CCDC3: variants seen among roughly 807,000 people sequenced by gnomAD.
CCDC3 encodes the protein coiled-coil domain containing 3, also known as coiled-coil domain-containing protein 3.
Under a neutral mutation model 21.4 loss-of-function variants are expected in CCDC3, and 24 were observed. The observed-to-expected ratio is 1.12, with a 90% CI of 0.81 to 1.58. The LOEUF (loss-of-function observed/expected upper bound fraction) is 1.58. Ranked by LOEUF, CCDC3 falls within the 40% of genes most tolerant of loss-of-function variation. The pLI, the probability that CCDC3 is intolerant of heterozygous loss-of-function variation, is 0.00. For synonymous variants in CCDC3, 186 were observed against 166.0 expected (o/e 1.12, Z -0.93); for missense variants, 425 against 360.9 (o/e 1.18, Z -1.44).
intron 2 of CCDC3, among the ~76,000 whole-genome samples, chr10:12,952,905 G>T (rs1835028243): frequency 1.3e-5 from 2 of 152,086 alleles, no homozygotes; most frequent in Admixed American, 1.3e-4. Flanking sequence ...AGTTCATCTG[G>T]TTAGATGTTT....
At chr10:12,928,506 T>G (rs909366181) in intron 2 of CCDC3, among the ~76,000 whole-genome samples, 1 of 152,206 alleles carries the variant, frequency 6.6e-6, no homozygotes, top group Admixed American at 6.5e-5. Flanking sequence ...GTGATCCATT[T>G]TCTTATTCTC....
chr10:12,938,008 G>C (rs938783088), intron 2 of CCDC3, among the ~76,000 whole-genome samples: 1 of 127,186 alleles, frequency 7.9e-6, no homozygotes, highest in African/African-American at 3.4e-5. Flanking sequence ...AAAATCCCTG[G>C]AACTCTGCAG....
intron 2 of CCDC3, among the ~76,000 whole-genome samples, chr10:12,905,757 T>C (rs1180126816): frequency 2.0e-5 from 3 of 152,218 alleles, no homozygotes; most frequent in African/African-American, 7.2e-5. Context: ...CCCTTGACAT[T>C]GGACAGATGA....
At chr10:13,031,658 T>C (rs1473196539) in intron 5 of CCDC3, among the ~76,000 whole-genome samples, 2 of 151,320 alleles carry the variant, frequency 1.3e-5, no homozygotes, top group African/African-American at 4.9e-5. Context: ...ATAAAGGGGG[T>C]ATCACCACCA....
At chr10:13,090,446 G>A (rs1306195437) in intron 3 of CCDC3, among the ~76,000 whole-genome samples, 1 of 152,082 alleles carries the variant, frequency 6.6e-6, no homozygotes, top group Non-Finnish European at 1.5e-5. Context: ...CCACATTTTT[G>A]CAATTGCAAA....
At chr10:12,928,422 G>A (rs370039970) in intron 2 of CCDC3, among the ~76,000 whole-genome samples, 1 of 152,136 alleles carries the variant, frequency 6.6e-6, no homozygotes, top group East Asian at 1.9e-4. Context: ...ACCGTTTTAG[G>A]AATTACAATA....
chr10:12,991,962 G>A (rs1296643246), intron 2 of CCDC3, among the ~76,000 whole-genome samples: 3 of 151,708 alleles, frequency 2.0e-5, no homozygotes, highest in Non-Finnish European at 2.9e-5. Context: ...CCATGCATAT[G>A]GAAAGATCTC....
chr10:12,980,514 G>C (rs1400850344), intron 2 of CCDC3, among the ~76,000 whole-genome samples: 2 of 152,176 alleles, frequency 1.3e-5, no homozygotes, highest in African/African-American at 2.4e-5. Context: ...GATGGGATGA[G>C]GCAGAAACAC....
chr10:13,042,906 C>CAAAAAAAAAAAA (rs55911312), intron 5 of CCDC3, among the ~76,000 whole-genome samples: 2 of 100,416 alleles, frequency 2.0e-5, no homozygotes, highest in Admixed American at 1.1e-4. Context: ...GAGACTGTCT[C>CAAAAAAAAAAAA]AAAAAAAAAA....
intron 2 of CCDC3, among the ~76,000 whole-genome samples, chr10:12,998,015 G>A (rs562841953): frequency 6.6e-6 from 1 of 152,308 alleles, no homozygotes; most frequent in African/African-American, 2.4e-5. Flanking sequence ...GGTTGGACAA[G>A]CCTGATATAG....
At chr10:13,089,807 T>C (rs1837158850) in intron 3 of CCDC3, among the ~76,000 whole-genome samples, 1 of 151,722 alleles carries the variant, frequency 6.6e-6, no homozygotes, top group Non-Finnish European at 1.5e-5. Context: ...TGCACCCAAT[T>C]TGTAGCCTTT....
At chr10:13,048,484 A>ATG (rs1564332329) in intron 5 of CCDC3, among the ~76,000 whole-genome samples, 56 of 152,136 alleles carry the variant, frequency 3.7e-4, no homozygotes, top group African/African-American at 1.3e-3. Context: ...GAGCCACTGC[A>ATG]CCTGGCCAGG....
At chr10:13,044,779 G>A (rs1462548660) in intron 5 of CCDC3, among the ~76,000 whole-genome samples, 1 of 152,040 alleles carries the variant, frequency 6.6e-6, no homozygotes, top group African/African-American at 2.4e-5. Context: ...CTCTGTTTTG[G>A]TTCCATATAA....
chr10:13,010,540 G>A (rs57966192), intron 5 of CCDC3, among the ~76,000 whole-genome samples: 1,558 of 152,258 alleles, frequency 0.01, 22 homozygotes, highest in African/African-American at 0.035. Flanking sequence ...AATGGTAAAA[G>A]CACTTTGGAA....
At chr10:12,972,980 C>T (rs1313098960) in intron 2 of CCDC3, among the ~76,000 whole-genome samples, 2 of 152,184 alleles carry the variant, frequency 1.3e-5, no homozygotes, top group Non-Finnish European at 2.9e-5. Context: ...GCAGCCTTCT[C>T]CTTTAAGCCT....
upstream of CCDC3, among the ~76,000 whole-genome samples, chr10:13,004,108 C>A (rs988930841): frequency 1.3e-5 from 2 of 152,204 alleles, no homozygotes; most frequent in African/African-American, 4.8e-5. Context: ...TTAATAGTGA[C>A]ATGAGCCACT....
chr10:13,017,865 C>T lies in CCDC3; in HGVS notation c.-1-19353G>A, dbSNP rs769495882. Among the ~76,000 whole-genome samples the T allele has an allele frequency of 9.2e-5, 14 of 151,986 alleles. 1 individual carries two copies. The highest frequency in any genetic ancestry group is 1.8e-4 in the Non-Finnish European group (12 of 67,946). Reference sequence around the variant, plus strand: ...AAAAATCTAGCCTTTGGAGACATCACCTTTCCTTGGAAAAGAATGGCTTCA... The same window carrying T: ...AAAAATCTAGCCTTTGGAGACATCATCTTTCCTTGGAAAAGAATGGCTTCA... On this transcript the variant is annotated intron_variant, in intron 5 of 6. Transcript: ENST00000378839.
At chr10:12,922,156 T>A (rs1834461323) in intron 2 of CCDC3, among the ~76,000 whole-genome samples, 1 of 152,188 alleles carries the variant, frequency 6.6e-6, no homozygotes, top group Admixed American at 6.5e-5. Flanking sequence ...CTGTTCAGCT[T>A]CTGCCTTTAC....
At chr10:13,007,943 G>A (rs575130054) in intron 5 of CCDC3, among the ~76,000 whole-genome samples, 1 of 152,292 alleles carries the variant, frequency 6.6e-6, no homozygotes, top group South Asian at 2.1e-4. Context: ...GATAGGAGGA[G>A]CTTCTGTCTG....
Sources: allele counts gnomAD v4.1 joint callset (sites outside exome capture counted in the v4.1 genomes callset), GRCh38; gene constraint gnomAD v4.1.1; transcripts MANE v1.5; gene names NCBI Gene and HGNC (gene_info 2026-07-23, HGNC 2026-07-21).